The following BIRC6 variants were observed in gnomAD, a reference collection of about 807,000 sequenced individuals.
BIRC6 encodes the protein baculoviral IAP repeat containing 6, also known as dual E2 ubiquitin-conjugating enzyme/E3 ubiquitin-protein ligase BIRC6.
A neutral mutation model predicts 503.3 loss-of-function variants in BIRC6; 98 were observed. The ratio of observed to expected loss-of-function variants is 0.19; its 90% CI spans 0.17 to 0.23. The LOEUF (loss-of-function observed/expected upper bound fraction) is 0.23. Ranked by LOEUF, BIRC6 falls within the 10% of genes least tolerant of loss-of-function variation. The probability of loss-of-function intolerance (pLI) is 1.00; values close to 1 mark genes in which losing one functional copy is unlikely to be tolerated. For missense variants in BIRC6, 5,360 were observed against 5,806.0 expected (o/e 0.92, Z 2.50); for synonymous variants, 2,240 against 2,078.7 (o/e 1.08, Z -2.11).
intron 64 of BIRC6, 24 bp from the exon 65 acceptor site, chr2:32,549,289 C>G: frequency 7.2e-7 from 1 of 1,391,290 alleles, no homozygotes; most frequent in Non-Finnish European, 9.5e-7. Context: ...AACTGAAATC[C>G]AAATTAATTT....
At chr2:32,474,709 G>GA (rs1349181157) in intron 33 of BIRC6, among the ~76,000 whole-genome samples, 1 of 152,084 alleles carries the variant, frequency 6.6e-6, no homozygotes, top group Admixed American at 6.5e-5. Flanking sequence ...GGCTGTTTCA[G>GA]AAAAAATTAA....
chr2:32,448,507 C>G (rs1159076144), intron 21 of BIRC6, among the ~76,000 whole-genome samples: 1 of 152,326 alleles, frequency 6.6e-6, no homozygotes, highest in East Asian at 1.9e-4. Context: ...GAAAACCAGT[C>G]AGGCGTGGCG....
chr2:32,439,932 G>A (rs986735217), intron 16 of BIRC6, among the ~76,000 whole-genome samples: 4 of 152,134 alleles, frequency 2.6e-5, no homozygotes, highest in Non-Finnish European at 5.9e-5. Flanking sequence ...AGGCTGGAAT[G>A]CAGTGGCGCA....
intron 10 of BIRC6, among the ~76,000 whole-genome samples, chr2:32,417,445 A>AT (rs1012906106): frequency 5.3e-5 from 8 of 151,906 alleles, no homozygotes; most frequent in South Asian, 4.1e-4. Flanking sequence ...TGCCTGGCCT[A>AT]TTTTTTTTAC....
chr2:32,399,138 T>C (rs563415016), intron 6 of BIRC6, among the ~76,000 whole-genome samples: 2 of 152,298 alleles, frequency 1.3e-5, no homozygotes, highest in African/African-American at 4.8e-5. Flanking sequence ...CAGGCTGGAG[T>C]GCAGTGGCGC....
chr2:32,440,865 T>TA (rs1410245744), intron 16 of BIRC6, among the ~76,000 whole-genome samples: 1 of 151,890 alleles, frequency 6.6e-6, no homozygotes, highest in African/African-American at 2.4e-5. Flanking sequence ...TGAGTTCAAG[T>TA]GAATCTCTTG....
intron 12 of BIRC6, 88 bp from the exon 13 acceptor site, chr2:32,433,556 A>C: frequency 8.2e-7 from 1 of 1,219,470 alleles, no homozygotes; most frequent in Non-Finnish European, 1.1e-6. Flanking sequence ...TGCAAAGCAA[A>C]AAGTAGGAAA....
At chr2:32,358,078 G>C (rs1012707815) in intron 1 of BIRC6, among the ~76,000 whole-genome samples, 1 of 149,798 alleles carries the variant, frequency 6.7e-6, no homozygotes, top group Non-Finnish European at 1.5e-5. Context: ...GGTGGGGAGG[G>C]AAGTAGGCGG....
intron 6 of BIRC6, 86 bp downstream of exon 6, chr2:32,395,679 A>T: frequency 3.2e-6 from 4 of 1,254,898 alleles, no homozygotes; most frequent in Non-Finnish European, 4.6e-6. Context: ...TTATGATATA[A>T]TTTTTTGCCT....
At chr2:32,576,550 T>G (rs1357198876) in intron 66 of BIRC6, among the ~76,000 whole-genome samples, 1 of 152,216 alleles carries the variant, frequency 6.6e-6, no homozygotes, top group Non-Finnish European at 1.5e-5. Flanking sequence ...ATTAATGTCA[T>G]TTACCGTATT....
intron 1 of BIRC6, among the ~76,000 whole-genome samples, chr2:32,369,974 ATATATATATATGTATG>A (rs2035651030): frequency 1.6e-5 from 1 of 62,988 alleles, no homozygotes; most frequent in Non-Finnish European, 3.1e-5. Context: ...ATATATATAT[ATATATATATATGTATG>A]TATGTATGTG....
intron 1 of BIRC6, among the ~76,000 whole-genome samples, chr2:32,374,693 C>T (rs1363495680): frequency 2.6e-5 from 4 of 151,928 alleles, no homozygotes; most frequent in Non-Finnish European, 2.9e-5. Context: ...AGGATGGTCT[C>T]GATCTCCTGA....
At chr2:32,421,112 C>CTTTTTTTT (rs779700746) in intron 10 of BIRC6, among the ~76,000 whole-genome samples, 5 of 132,286 alleles carry the variant, frequency 3.8e-5, no homozygotes, top group South Asian at 2.4e-4. Flanking sequence ...TTCTTTCTTT[C>CTTTTTTTT]TTTTTTTTTT....
In BIRC6 at chr2:32,442,498, C is replaced by T. The variant is rs911657865; in HGVS notation, c.4238+43C>T. 3.3e-6 allele frequency: 5 copies of T among 1,532,588 alleles called. No homozygotes were observed. In the Admixed American group the frequency reaches 1.0e-4, roughly 32 times the overall value. 94.9% of individuals were successfully genotyped at this position (1,532,588 alleles called of 1,614,324 possible). On this transcript the variant is annotated intron_variant, in intron 19 of 73. Transcript: ENST00000421745. ...TTGAAAGCATACTTTCTAGGTACACCTGCAATTTAGTGGGTGATACCTTGT... is the reference window on the plus strand; with the variant it reads ...TTGAAAGCATACTTTCTAGGTACACTTGCAATTTAGTGGGTGATACCTTGT...
intron 45 of BIRC6, among the ~76,000 whole-genome samples, chr2:32,499,110 A>G (rs915290425): frequency 1.3e-5 from 2 of 152,250 alleles, no homozygotes; most frequent in Admixed American, 1.3e-4. Flanking sequence ...AGAGCATTCA[A>G]TTTTGATACT....
At chr2:32,433,530 A>G (rs1035095585) in intron 12 of BIRC6, 114 bp from the exon 13 acceptor site, 2 of 831,922 alleles carry the variant, frequency 2.4e-6, no homozygotes, top group Non-Finnish European at 3.6e-6. Context: ...GAGAAACACT[A>G]GATTTTGTTG....
At chr2:32,422,551 C>A (rs898159082) in intron 10 of BIRC6, among the ~76,000 whole-genome samples, 5 of 152,100 alleles carry the variant, frequency 3.3e-5, no homozygotes, top group African/African-American at 1.2e-4. Flanking sequence ...CTCCCCTCTC[C>A]CAAACTCTGC....
At chr2:32,543,981 T>C (rs1367794878) in intron 62 of BIRC6, among the ~76,000 whole-genome samples, 1 of 152,194 alleles carries the variant, frequency 6.6e-6, no homozygotes, top group African/African-American at 2.4e-5. Flanking sequence ...TGAAGTGGCA[T>C]GGTAGTTTTT....
chr2:32,590,435 A>G (rs1439088118), intron 66 of BIRC6, among the ~76,000 whole-genome samples: 2 of 152,178 alleles, frequency 1.3e-5, no homozygotes, highest in South Asian at 2.1e-4. Flanking sequence ...TAGGAGTGCA[A>G]AGGGTTAAAG....
Sources: allele counts gnomAD v4.1 joint callset (sites outside exome capture counted in the v4.1 genomes callset), GRCh38; gene constraint gnomAD v4.1.1; transcripts MANE v1.5; gene names NCBI Gene and HGNC (gene_info 2026-07-23, HGNC 2026-07-21).